The following C1orf146 variants were observed in gnomAD, a reference collection of about 807,000 sequenced individuals.
C1orf146 encodes the protein protein SPO16 homolog.
Under a neutral mutation model 23.0 loss-of-function variants are expected in C1orf146, and 22 were observed. That is an observed-to-expected ratio of 0.96 (90% CI 0.68 to 1.36). The LOEUF is 1.36. Among genes scored for constraint, C1orf146 ranks in the 40% most tolerant of loss-of-function variants. The pLI, the probability that C1orf146 is intolerant of heterozygous loss-of-function variation, is 0.00. For synonymous variants in C1orf146, 59 were observed against 65.3 expected (o/e 0.90, Z 0.47); for missense variants, 199 against 206.8 (o/e 0.96, Z 0.23).
At chr1:92,239,190 G>A (rs1448899176) in intron 2 of C1orf146, among the ~76,000 whole-genome samples, 1 of 152,130 alleles carries the variant, frequency 6.6e-6, no homozygotes, top group African/African-American at 2.4e-5. Flanking sequence ...CTGTTTTAAG[G>A]TGTGTATTTG....
intron 1 of C1orf146, among the ~76,000 whole-genome samples, chr1:92,219,492 CTTTCTTTTTTTTT>C (rs1385665749): frequency 1.5e-5 from 1 of 66,040 alleles, no homozygotes; most frequent in Non-Finnish European, 2.8e-5. Context: ...GTGACTTTCT[CTTTCTTTTTTTTT>C]TTTTTTTTTT....
chr1:92,227,953 G>A (rs773128387), intron 1 of C1orf146, among the ~76,000 whole-genome samples: 1 of 151,912 alleles, frequency 6.6e-6, no homozygotes, highest in East Asian at 1.9e-4. Flanking sequence ...AATTGACTTG[G>A]CCACTCTATT....
At chr1:92,236,228 AT>A (rs1652272309) in intron 2 of C1orf146, among the ~76,000 whole-genome samples, 1 of 151,250 alleles carries the variant, frequency 6.6e-6, no homozygotes, top group Non-Finnish European at 1.5e-5. Flanking sequence ...TTTTGGCATG[AT>A]TTTGCAGCGG....
intron 2 of C1orf146, among the ~76,000 whole-genome samples, chr1:92,232,291 G>T (rs1652146641): frequency 8.0e-6 from 1 of 125,322 alleles, no homozygotes; most frequent in South Asian, 2.6e-4. Context: ...CCCAGAGTGT[G>T]ATGTTCCCCT....
At chr1:92,240,103 C>G (rs576012804) in intron 2 of C1orf146, among the ~76,000 whole-genome samples, 10 of 152,180 alleles carry the variant, frequency 6.6e-5, no homozygotes, top group Non-Finnish European at 1.2e-4. Flanking sequence ...CTGCAAGGTG[C>G]TTGGAAGCAC....
chr1:92,230,361 C>T (rs1385287508), intron 1 of C1orf146, among the ~76,000 whole-genome samples: 3 of 151,872 alleles, frequency 2.0e-5, no homozygotes, highest in Admixed American at 2.0e-4. Context: ...GCCTGTAATC[C>T]CAGCACTTTG....
chr1:92,242,348 T>C (rs768892507), intron 3 of C1orf146, 43 bp downstream of exon 3: 3 of 1,068,670 alleles, frequency 2.8e-6, no homozygotes, highest in East Asian at 4.9e-5. Context: ...TTATGAAATA[T>C]GTTGGTATAA....
chr1:92,222,430 C>T (rs1417910476), intron 1 of C1orf146, among the ~76,000 whole-genome samples: 2 of 151,442 alleles, frequency 1.3e-5, no homozygotes, highest in Admixed American at 1.3e-4. Context: ...CACATTTATA[C>T]ACCTGTGAAA....
intron 2 of C1orf146, among the ~76,000 whole-genome samples, chr1:92,241,179 C>G (rs536195054): frequency 7.5e-6 from 1 of 132,784 alleles, no homozygotes; most frequent in Admixed American, 8.5e-5. Flanking sequence ...GAATCCATCT[C>G]CAAGTTGCTT....
intron 2 of C1orf146, among the ~76,000 whole-genome samples, chr1:92,237,780 G>A (rs1395396652): frequency 1.3e-5 from 2 of 152,318 alleles, no homozygotes; most frequent in East Asian, 3.9e-4. Context: ...GCTTTTAAAT[G>A]TGTTAAGTTG....
chr1:92,234,695 C>T (rs1374645580), intron 2 of C1orf146, among the ~76,000 whole-genome samples: 2 of 152,218 alleles, frequency 1.3e-5, no homozygotes, highest in East Asian at 1.9e-4. Flanking sequence ...GGTACCATCT[C>T]CTCCTTTTAC....
Position 92,242,271 on chromosome 1 carries a change from A to G in C1orf146, c.126A>G (p.Ser42=). The part of the protein sequence containing the change: ...NRSHKVRYSD[S]VENGSIIFSL... Reference sequence around the variant, plus strand: ...GCCACAAAGTTCGATATTCAGATTCAGTGGAAAATGGATCAATTATATTTT... The same window carrying G: ...GCCACAAAGTTCGATATTCAGATTCGGTGGAAAATGGATCAATTATATTTT... Residue 42 remains serine (S), a synonymous_variant, in exon 3 of 6, where the codon TCA becomes TCG. Coordinates refer to ENST00000370375, the MANE Select transcript of C1orf146 (RefSeq NM_001012425.2). 3.1e-6 allele frequency: 5 copies of G among 1,601,116 alleles called. No homozygotes were observed. Among genetic ancestry groups the G allele is most frequent in the Admixed American group, 1.7e-5 (1 of 58,846 alleles).
chr1:92,229,602 C>G (rs1414982050), intron 1 of C1orf146, among the ~76,000 whole-genome samples: 2 of 152,136 alleles, frequency 1.3e-5, no homozygotes, highest in Admixed American at 6.5e-5. Flanking sequence ...GCAGCAAGAA[C>G]AAGATGGCTG....
chr1:92,236,297 A>G (rs1652274184), intron 2 of C1orf146, among the ~76,000 whole-genome samples: 2 of 151,942 alleles, frequency 1.3e-5, no homozygotes, highest in South Asian at 2.1e-4. Context: ...CTTTTAGGGC[A>G]GGCCTGCTGG....
At chr1:92,224,056 ATTTATTTATTTT>A (rs1370696510) in intron 1 of C1orf146, among the ~76,000 whole-genome samples, 1 of 136,228 alleles carries the variant, frequency 7.3e-6, no homozygotes, top group African/African-American at 2.9e-5. Context: ...TTATTTATTT[ATTTATTTATTTT>A]GAGACGGAGT....
At chr1:92,231,710 G>GTT (rs752241133) in intron 2 of C1orf146, among the ~76,000 whole-genome samples, 5 of 145,562 alleles carry the variant, frequency 3.4e-5, no homozygotes, top group Admixed American at 6.9e-5. Context: ...ATTTTCTAAA[G>GTT]TTTTTTTTTT....
chr1:92,231,304 C>T (rs1652114309), intron 1 of C1orf146, 78 bp from the exon 2 acceptor site: 1 of 654,698 alleles, frequency 1.5e-6, no homozygotes, highest in Non-Finnish European at 2.6e-6. Flanking sequence ...GTCTCCAATA[C>T]CCTAGTTTTA....
chr1:92,220,520 A>T (rs1651794711), intron 1 of C1orf146, among the ~76,000 whole-genome samples: 1 of 152,232 alleles, frequency 6.6e-6, no homozygotes, highest in African/African-American at 2.4e-5. Flanking sequence ...TATGTATAGT[A>T]TGTTAATGTA....
intron 2 of C1orf146, among the ~76,000 whole-genome samples, chr1:92,233,020 G>T: frequency 6.6e-6 from 1 of 152,082 alleles, no homozygotes; most frequent in South Asian, 2.1e-4. Flanking sequence ...CCCTTTGTCA[G>T]ATGAGTAGGT....
Sources: allele counts gnomAD v4.1 joint callset (sites outside exome capture counted in the v4.1 genomes callset), GRCh38; gene constraint gnomAD v4.1.1; transcripts MANE v1.5; gene names NCBI Gene and HGNC (gene_info 2026-07-23, HGNC 2026-07-21).